TPRN: variants seen among roughly 807,000 people sequenced by gnomAD.
TPRN encodes the protein chromosome 9 open reading frame 75.
A neutral mutation model predicts 42.6 loss-of-function variants in TPRN; 32 were observed. That is an observed-to-expected ratio of 0.75 (90% CI 0.57 to 1.01). The LOEUF is 1.01. Among genes scored for constraint, TPRN ranks in the 50% least tolerant of loss-of-function variants. The pLI, the probability that TPRN is intolerant of heterozygous loss-of-function variation, is 0.00. For missense variants in TPRN, 1,095 were observed against 957.5 expected (o/e 1.14, Z -1.90); for synonymous variants, 541 against 445.6 (o/e 1.21, Z -2.70).
chr9:137,195,383 C>T (rs1195282167), intron 1 of TPRN, among the ~76,000 whole-genome samples: 1 of 152,182 alleles, frequency 6.6e-6, no homozygotes, highest in Admixed American at 6.5e-5. Context: ...CTAGGCGGCA[C>T]CTATGGGAAG....
rs764184855 is a variant in TPRN, at chr9:137,199,295, G to A, written c.1417C>T (p.Pro473Ser). ...SEEAPQAAKL[P>S]YLPHPARPLH... ...GGCCTGGCAGGGTGCGGGAGGTAGGGTAGTTTGGCTGCTTGGGGGGCCTCC... is the reference window on the plus strand; with the variant it reads ...GGCCTGGCAGGGTGCGGGAGGTAGGATAGTTTGGCTGCTTGGGGGGCCTCC... Residue 473 changes from proline to serine, a missense_variant, in exon 1 of 4, where the codon CCC becomes TCC. By Grantham distance (74) the Pro-to-Ser change is moderately conservative. Coordinates refer to ENST00000409012, the MANE Select transcript of TPRN (RefSeq NM_001128228.3). 29 of 1,612,516 alleles carry A rather than the reference G, an allele frequency of 1.8e-5. No individual in the cohort carries two copies. The highest frequency in any genetic ancestry group is 1.7e-4 in the Middle Eastern group (1 of 6,060).
At chr9:137,197,071 G>A (rs928209033) in intron 1 of TPRN, among the ~76,000 whole-genome samples, 7 of 152,110 alleles carry the variant, frequency 4.6e-5, no homozygotes, top group East Asian at 3.9e-4. Context: ...TAACCCAGCC[G>A]CAAATGACCC....
chr9:137,194,660 G>A (rs998546840), intron 1 of TPRN: 1 of 152,280 alleles, frequency 6.6e-6, no homozygotes. Flanking sequence ...TGCGGGGCGG[G>A]GGGTGGACAG....
In TPRN at chr9:137,199,089, C is replaced by G. The variant is rs1384904426; in HGVS notation, c.1623G>C (p.Thr541=). The G allele has an allele frequency of 6.2e-7, 1 of 1,613,140 alleles. No homozygotes were observed. The stretch of plus-strand genomic sequence containing the variant: ...GCACGGTGGGGTAGCGCTTCTTCAA[C>G]GTGGGCCCCAGGAGGCAACTAGCCT... ...EEEASCLLGP[T]LKKRYPTVHE... is the part of the protein sequence containing the mutation. The change falls in exon 1 of 4, where the codon ACG becomes ACC. Residue 541 remains threonine (T), a synonymous_variant. Transcript: ENST00000409012.
chr9:137,192,077 AGCTGGGCTCAGCCTTGGTCCTGGCAGT>A lies in TPRN; in HGVS notation c.*8_*34del, dbSNP rs780526112. The A allele has an allele frequency of 6.2e-7, 1 of 1,608,976 alleles. No individual in the cohort carries two copies. Among genetic ancestry groups the A allele is most frequent in the Non-Finnish European group, 8.5e-7 (1 of 1,179,852 alleles). ...ACTGCCCAGCTTCCGGGACTCCCACAGCTGGGCTCAGCCTTGGTCCTGGCAGTGCTGGGCTCAGAAATACAGGGCTGG... is the reference window on the plus strand; with the variant it reads ...ACTGCCCAGCTTCCGGGACTCCCACAGCTGGGCTCAGAAATACAGGGCTGG... On this transcript the variant is annotated 3_prime_UTR_variant, in exon 4 of 4. Transcript: ENST00000409012.
chr9:137,192,418 C>G, intron 2 of TPRN, 33 bp downstream of exon 2: 1 of 1,610,494 alleles, frequency 6.2e-7, no homozygotes, highest in South Asian at 1.1e-5. Context: ...CTCCACCCCT[C>G]CCAGGCTGCC....
Position 137,199,887 on chromosome 9 carries a change from G to C in TPRN, c.825C>G (p.Pro275=). ...PGTPSATPAS[P]PASATPSQRQ... ...GCTGGCTAGGAGTGGCACTGGCAGGGGGTGAGGCTGGAGTGGCACTCGGGG... is the reference window on the plus strand; with the variant it reads ...GCTGGCTAGGAGTGGCACTGGCAGGCGGTGAGGCTGGAGTGGCACTCGGGG... The change falls in exon 1 of 4, where the codon CCC becomes CCG. Residue 275 remains proline (P), a synonymous_variant. Coordinates refer to ENST00000409012, the MANE Select transcript of TPRN (RefSeq NM_001128228.3). The C allele has an allele frequency of 6.5e-7, 1 of 1,541,184 alleles. No homozygotes were observed. Among genetic ancestry groups the C allele is most frequent in the Non-Finnish European group, 8.8e-7 (1 of 1,141,036 alleles).
At position 137,200,401 on chromosome 9, in the gene TPRN, G is replaced by T; in HGVS notation, c.311C>A (p.Pro104His). 1 of 1,115,626 alleles carries T rather than the reference G, an allele frequency of 9.0e-7. No homozygotes were observed. Among genetic ancestry groups the T allele is most frequent in the Non-Finnish European group, 1.1e-6 (1 of 910,850 alleles). The allele number at this position is 1,115,626 out of a possible 1,614,324, so 69.1% of individuals were successfully genotyped here. ...GGCGGGCGGCGCGGGCGGGAAGCCG[G>T]GCACCGTCTCGATGATGAGGACGCT... ...ADSVLIIETV[P>H]GFPPAPPAPG... Residue 104 changes from proline (P) to histidine (H), a missense_variant, in exon 1 of 4, where the codon CCC becomes CAC. Pro to His is a moderately conservative substitution (Grantham distance 77, BLOSUM62 -2). Transcript: ENST00000409012. This position sits in a 1 kb window ranked among gnomAD's most constrained non-coding sequence, Gnocchi z 4.3.
In TPRN at chr9:137,200,612, C is replaced by T; in HGVS notation, c.100G>A (p.Gly34Ser). 8.6e-7 allele frequency: 1 copy of T among 1,164,706 alleles called. No homozygotes were observed. The highest frequency in any genetic ancestry group is 1.1e-6 in the Non-Finnish European group (1 of 947,700). The allele number at this position is 1,164,706 out of a possible 1,614,324, so 72.1% of individuals were successfully genotyped here. A position where few individuals can be genotyped will look rare whatever the true frequency, so the allele number is the denominator to read the frequency against. Residue 34 changes from glycine to serine, a missense_variant, in exon 1 of 4, where the codon GGC becomes AGC. Coordinates refer to ENST00000409012, the MANE Select transcript of TPRN (RefSeq NM_001128228.3). The surrounding 1 kb of genome is among the most constrained non-coding windows in gnomAD (Gnocchi z 4.3). ...GCCGCCCCGGGCCCCGCGCCCCCGC[C>T]CAGCGCGGCTAGCTTGGCCCGCTTC... is the stretch of plus-strand genomic sequence containing the variant. ...ERKRAKLAAL[G>S]GGAGPGAAEP...
rs745624228 is a variant in TPRN at position 137,199,730 on chromosome 9, G to A, written c.982C>T (p.Arg328Ter). Residue 328 changes from arginine to a stop codon, truncating the protein, a stop_gained, in exon 1 of 4, where the codon CGA (arginine) becomes TGA (stop). Coordinates refer to ENST00000409012, the MANE Select transcript of TPRN (RefSeq NM_001128228.3). LOFTEE classifies it high-confidence loss of function. ...RALASLRANS[R>*]NSFMVIPKSK... Reference sequence around the variant, plus strand: ...TTGGGGATGACCATGAAAGAATTTCGAGAGTTTGCGCGGAGGCTGGCCAGC... The same window carrying A: ...TTGGGGATGACCATGAAAGAATTTCAAGAGTTTGCGCGGAGGCTGGCCAGC... 2.2e-5 allele frequency: 35 copies of A among 1,611,996 alleles called. No individual in the cohort carries two copies. Among genetic ancestry groups the A allele is most frequent in the Non-Finnish European group, 2.8e-5 (33 of 1,179,688 alleles).
intron 1 of TPRN, 120 bp from the exon 2 acceptor site, chr9:137,192,811 A>G (rs968476146): frequency 2.2e-5 from 24 of 1,088,980 alleles, no homozygotes; most frequent in African/African-American, 6.2e-5. Context: ...CACACCATCA[A>G]CCGTTCCGGG....
At position 137,199,972 on chromosome 9, in the gene TPRN, T is replaced by C. The variant is rs986819935; in HGVS notation, c.740A>G (p.Gln247Arg). The change falls in exon 1 of 4, where the codon CAG becomes CGG. Residue 247 changes from glutamine (Q) to arginine (R), a missense_variant. Coordinates refer to ENST00000409012, the MANE Select transcript of TPRN (RefSeq NM_001128228.3). ...RLAGSPPGSGQWKPKVESGDP... is the reference protein window; with the variant it reads ...RLAGSPPGSGRWKPKVESGDP... ...CCCCGACTCCACCTTTGGCTTCCAC[T>C]GTCCCGACCCAGGCGGGGAGCCCGC... The C allele has an allele frequency of 8.3e-5, 121 of 1,453,694 alleles. No individual in the cohort carries two copies. In the African/African-American group the frequency reaches 1.3e-3, roughly 16 times the overall value. The allele number at this position is 1,453,694 out of a possible 1,614,324, so 90.0% of individuals were successfully genotyped here.
At position 137,199,739 on chromosome 9, in the gene TPRN, C is replaced by T; in HGVS notation, c.973G>A (p.Ala325Thr). 1 of 1,611,894 alleles carries T rather than the reference C, an allele frequency of 6.2e-7. No individual in the cohort carries two copies. Among genetic ancestry groups the T allele is most frequent in the Non-Finnish European group, 8.5e-7 (1 of 1,179,600 alleles). The change falls in exon 1 of 4, where the codon GCA becomes ACA. Residue 325 changes from alanine (A) to threonine (T), a missense_variant. Transcript: ENST00000409012. Reference sequence around the variant, plus strand: ...ACCATGAAAGAATTTCGAGAGTTTGCGCGGAGGCTGGCCAGCGCCCGGGCC... The same window carrying T: ...ACCATGAAAGAATTTCGAGAGTTTGTGCGGAGGCTGGCCAGCGCCCGGGCC... ...LQARALASLR[A>T]NSRNSFMVIP...
rs1438385791 is a variant in TPRN, at chr9:137,192,350, G to A, written c.1982C>T (p.Thr661Ile). 1.9e-6 allele frequency: 3 copies of A among 1,612,904 alleles called. No individual in the cohort carries two copies. Among genetic ancestry groups the A allele is most frequent in the African/African-American group, 2.7e-5 (2 of 74,946 alleles). ...PEGSSGLSSY[T>I]PKHSVAFSKW... is the part of the protein sequence containing the mutation. ...GCTGAAGGCCACAGAGTGCTTCGGG[G>A]TGTAGCTGGACAGGCCTGTGAATGG... The change falls in exon 3 of 4, where the codon ACC becomes ATC. Residue 661 changes from threonine (T) to isoleucine (I), a missense_variant. Transcript: ENST00000409012.
rs772444986 is a variant in TPRN at position 137,199,134 on chromosome 9, T to A, written c.1578A>T (p.Pro526=). Residue 526 remains proline, a synonymous_variant, in exon 1 of 4, where the codon CCA becomes CCT. Coordinates refer to ENST00000409012, the MANE Select transcript of TPRN (RefSeq NM_001128228.3). ...HFSQANREPR[P]REAEEEEASC... ...TAGCCTCCTCCTCCTCGGCCTCCCG[T>A]GGCCGAGGCTCCCTGTTGGCCTGAC... 5.0e-6 allele frequency: 8 copies of A among 1,613,232 alleles called. No homozygotes were observed. Among genetic ancestry groups the A allele is most frequent in the Non-Finnish European group, 6.8e-6 (8 of 1,179,996 alleles).
intron 1 of TPRN, among the ~76,000 whole-genome samples, chr9:137,197,255 C>T (rs996320990): frequency 2.0e-5 from 3 of 152,190 alleles, no homozygotes; most frequent in East Asian, 1.9e-4. Flanking sequence ...CCCGCCACCA[C>T]GCCCAGCTAA....
chr9:137,192,231 C>G, intron 3 of TPRN, 28 bp downstream of exon 3: 1 of 1,613,272 alleles, frequency 6.2e-7, no homozygotes, highest in Non-Finnish European at 8.5e-7. Flanking sequence ...TCAGACTCCC[C>G]CCAGCGCTCC....
chr9:137,199,665 C>A lies in TPRN; in HGVS notation c.1047G>T (p.Gln349His). 1 of 1,592,374 alleles carries A rather than the reference C, an allele frequency of 6.3e-7. No homozygotes were observed. Among genetic ancestry groups the A allele is most frequent in the Non-Finnish European group, 8.5e-7 (1 of 1,170,154 alleles). Reference sequence around the variant, plus strand: ...GGTCTCCCTTTGGCAGCTCCACGGACTGCCTCCCCTCAGGAGGAGGAGCCC... The same window carrying A: ...GGTCTCCCTTTGGCAGCTCCACGGAATGCCTCCCCTCAGGAGGAGGAGCCC... ...ASGAPPPEGR[Q>H]SVELPKGDLG... Residue 349 changes from glutamine (Q) to histidine (H), a missense_variant, in exon 1 of 4, where the codon CAG (glutamine) becomes CAT (histidine). Gln to His is a conservative substitution (Grantham distance 24). Transcript: ENST00000409012.
At position 137,200,132 on chromosome 9, in the gene TPRN, T is replaced by C. The variant is rs1260527219; in HGVS notation, c.580A>G (p.Ser194Gly). 5 of 1,227,346 alleles carry C rather than the reference T, an allele frequency of 4.1e-6. No homozygotes were observed. The highest frequency in any genetic ancestry group is 5.1e-6 in the Non-Finnish European group (5 of 986,902). The allele number at this position is 1,227,346 out of a possible 1,614,324, so 76.0% of individuals were successfully genotyped here. Reference sequence around the variant, plus strand: ...CTGCCGGTCTTCTGGAGGAAGTCGCTGCGCCGGGCCCCGGGGCTCGCCCCG... The same window carrying C: ...CTGCCGGTCTTCTGGAGGAAGTCGCCGCGCCGGGCCCCGGGGCTCGCCCCG... ...GGGASPGARR[S>G]DFLQKTGSNS... Residue 194 changes from serine (S) to glycine (G), a missense_variant, in exon 1 of 4, where the codon AGC (serine) becomes GGC (glycine). Ser to Gly is a moderately conservative substitution (Grantham distance 56, BLOSUM62 0). Coordinates refer to ENST00000409012, the MANE Select transcript of TPRN (RefSeq NM_001128228.3). This position sits in a 1 kb window ranked among gnomAD's most constrained non-coding sequence, Gnocchi z 4.3.
Sources: allele counts gnomAD v4.1 joint callset (sites outside exome capture counted in the v4.1 genomes callset), GRCh38; gene constraint gnomAD v4.1.1; non-coding constraint Gnocchi (gnomAD v3.1); transcripts MANE v1.5; gene names NCBI Gene and HGNC (gene_info 2026-07-23, HGNC 2026-07-21).